The following TLR5 variants were observed in gnomAD, a reference collection of about 807,000 sequenced individuals.
TLR5 encodes toll like receptor 5, also known as toll-like receptor 5.
For synonymous variants in TLR5, 373 were observed against 384.4 expected, an observed-to-expected ratio of 0.97 and a Z score of 0.35; for missense variants, 944 against 999.8, an observed-to-expected ratio of 0.94 and a Z score of 0.75.
chr1:223,118,706 T>A (rs1388586931), intron 5 of TLR5, among the ~76,000 whole-genome samples: 2 of 152,202 alleles, frequency 1.3e-5, no homozygotes, highest in Non-Finnish European at 2.9e-5. Context: ...TGTGTTGATG[T>A]TAATGCTGAC....
intron 5 of TLR5, among the ~76,000 whole-genome samples, chr1:223,116,400 T>C (rs1571734950): frequency 1.3e-5 from 2 of 152,260 alleles, no homozygotes; most frequent in East Asian, 3.9e-4. Context: ...CGTCTGGAGT[T>C]GTTCATTCTT....
Position 223,110,516 on chromosome 1 carries a change from T to C in TLR5, c.2516A>G (p.Lys839Arg), listed in dbSNP as rs769343836. 5 of 1,614,070 alleles carry C rather than the reference T, an allele frequency of 3.1e-6. No individual in the cohort carries two copies. The highest frequency in any genetic ancestry group is 1.1e-5 in the South Asian group (1 of 91,078). The change falls in exon 6 of 6, where the codon AAA (lysine) becomes AGA (arginine). Residue 839 changes from lysine to arginine, a missense_variant. Physicochemically the swap from Lys to Arg is conservative, Grantham distance 26. Coordinates refer to ENST00000642603, the MANE Select transcript of TLR5 (RefSeq NM_003268.6). Reference protein sequence around the residue: ...LHKLSQQILKKEKEKKKDNNI... With the variant: ...LHKLSQQILKREKEKKKDNNI... ...ATTGTCTTTCTTCTTTTCTTTTTCT[T>C]TCTTTAGTATCTGTTGAGAGAGTTT...
rs1418613126 is a variant in TLR5, at chr1:223,117,607, G to C, written c.-4-4572C>G. Among the ~76,000 whole-genome samples the C allele has an allele frequency of 2.0e-5, 3 of 148,004 alleles. No individual in the cohort carries two copies. The East Asian group carries it at 5.9e-4, about 29-fold the overall frequency. On this transcript the variant is annotated intron_variant, in intron 5 of 5. Coordinates refer to ENST00000642603, the MANE Select transcript of TLR5 (RefSeq NM_003268.6). ...AAGAAAAGAAAAGAAAAAAAGGAAA[G>C]AGTATGTTGAATGAACAACACTGCC... is the stretch of plus-strand genomic sequence containing the variant.
Position 223,110,241 on chromosome 1 carries a change from G to C in TLR5, c.*214C>G. ...ATCAATGGAGACTGGAAACCTCTAAGGGCAGTTGCAATTTTCTAGATCTAT... is the reference window on the plus strand; with the variant it reads ...ATCAATGGAGACTGGAAACCTCTAACGGCAGTTGCAATTTTCTAGATCTAT... On this transcript the variant is annotated 3_prime_UTR_variant, in exon 6 of 6. Transcript: ENST00000642603. 1.7e-6 allele frequency: 1 copy of C among 594,076 alleles called. No homozygotes were observed. The highest frequency in any genetic ancestry group is 3.0e-6 in the Non-Finnish European group (1 of 338,602). The allele number at this position is 594,076 out of a possible 1,614,324, so 36.8% of individuals were successfully genotyped here. A position where few individuals can be genotyped will look rare whatever the true frequency, so the allele number is the denominator to read the frequency against.
chr1:223,116,832 T>C (rs746649136), intron 5 of TLR5, among the ~76,000 whole-genome samples: 1 of 152,214 alleles, frequency 6.6e-6, no homozygotes, highest in Non-Finnish European at 1.5e-5. Flanking sequence ...TTGGTGTATT[T>C]ACAATCCTCT....
chr1:223,117,247 C>T (rs73118103), intron 5 of TLR5, among the ~76,000 whole-genome samples: 8 of 152,118 alleles, frequency 5.3e-5, no homozygotes, highest in Admixed American at 3.3e-4. Flanking sequence ...TAGGGCCTGC[C>T]AAGCCCACGC....
chr1:223,140,377 T>C (rs1281142128), intron 2 of TLR5, among the ~76,000 whole-genome samples: 1 of 152,020 alleles, frequency 6.6e-6, no homozygotes, highest in Non-Finnish European at 1.5e-5. Context: ...TGAAATCCCA[T>C]CTCTGCTAAA....
At chr1:223,126,798 G>A (rs1232408853) in intron 5 of TLR5, 7 of 152,192 alleles carry the variant, frequency 4.6e-5, no homozygotes, top group African/African-American at 1.4e-4. Context: ...GATTTAACTT[G>A]TATCTAGGGC....
intron 5 of TLR5, among the ~76,000 whole-genome samples, chr1:223,122,986 C>T (rs947492321): frequency 3.9e-5 from 6 of 152,074 alleles, no homozygotes; most frequent in African/African-American, 1.2e-4. Context: ...AAACACAGAC[C>T]GTAGTTTGCT....
intron 3 of TLR5, among the ~76,000 whole-genome samples, chr1:223,135,283 G>A (rs896694039): frequency 4.6e-5 from 7 of 152,140 alleles, no homozygotes; most frequent in African/African-American, 7.2e-5. Context: ...GCTGGGGAGC[G>A]CACCCCTGCT....
intron 5 of TLR5, among the ~76,000 whole-genome samples, chr1:223,118,546 C>CAA (rs1324528207): frequency 1.6e-5 from 2 of 125,268 alleles, no homozygotes; most frequent in African/African-American, 3.3e-5. Context: ...GACTCCATCT[C>CAA]AAAAAAAGAA....
intron 1 of TLR5, among the ~76,000 whole-genome samples, chr1:223,142,305 C>T (rs189634593): frequency 3.4e-4 from 52 of 152,330 alleles, no homozygotes; most frequent in African/African-American, 1.2e-3. Context: ...ATCTCATTGA[C>T]TAGGTGACTG....
rs146082990 is a variant in TLR5 at position 223,112,559 on chromosome 1, C to T, written c.473G>A (p.Arg158His). The T allele has an allele frequency of 2.6e-4, 422 of 1,614,198 alleles. 1 individual carries two copies. The East Asian group carries it at 8.6e-3, about 33-fold the overall frequency. Residue 158 changes from arginine to histidine, a missense_variant, in exon 6 of 6, where the codon CGT becomes CAT. Transcript: ENST00000642603. ...AAATGAAGGATGAAGGTAAAGGCTA[C>T]GAATCTGATTTTTGGATAGATCCAA... ...TRLDLSKNQI[R>H]SLYLHPSFGK...
At position 223,117,632 on chromosome 1, in the gene TLR5, C is replaced by T. The variant is rs77647750; in HGVS notation, c.-4-4597G>A. 7.2e-3 allele frequency among the ~76,000 whole-genome samples: 1,085 copies of T among 151,368 alleles called. 17 individuals are homozygous for T. Among genetic ancestry groups the T allele is most frequent in the African/African-American group, 0.024 (993 of 41,266 alleles). ...GAGTATGTTGAATGAACAACACTGC[C>T]ATCAACAGAAAGATAAAGGGATTGG... On this transcript the variant is annotated intron_variant, in intron 5 of 5. Coordinates refer to ENST00000642603, the MANE Select transcript of TLR5 (RefSeq NM_003268.6).
intron 5 of TLR5, among the ~76,000 whole-genome samples, chr1:223,119,048 G>T (rs1656814366): frequency 6.6e-6 from 1 of 152,028 alleles, no homozygotes; most frequent in African/African-American, 2.4e-5. Flanking sequence ...AGGTTGCAGT[G>T]AGCTGAGCTT....
chr1:223,130,805 T>C (rs565194644), intron 5 of TLR5, among the ~76,000 whole-genome samples: 1 of 152,366 alleles, frequency 6.6e-6, no homozygotes, highest in Admixed American at 6.5e-5. Context: ...GGTCAGACAC[T>C]GCCTGATATT....
intron 5 of TLR5, among the ~76,000 whole-genome samples, chr1:223,120,174 G>A (rs1171532549): frequency 2.0e-5 from 3 of 151,722 alleles, no homozygotes; most frequent in Non-Finnish European, 4.4e-5. Flanking sequence ...CCCTTTCCAG[G>A]TCTTTTCCTG....
At chr1:223,125,157 A>G (rs1209595307) in intron 5 of TLR5, among the ~76,000 whole-genome samples, 1 of 152,218 alleles carries the variant, frequency 6.6e-6, no homozygotes, top group East Asian at 1.9e-4. Context: ...TCTCCAGCAT[A>G]TCAATAGTCT....
At chr1:223,115,785 T>C (rs1198159051) in intron 5 of TLR5, among the ~76,000 whole-genome samples, 4 of 152,196 alleles carry the variant, frequency 2.6e-5, no homozygotes, top group African/African-American at 7.2e-5. Context: ...AGGGTGTCTC[T>C]GATGTAATGA....
Sources: allele counts gnomAD v4.1 joint callset (sites outside exome capture counted in the v4.1 genomes callset), GRCh38; gene constraint gnomAD v4.1.1; transcripts MANE v1.5; gene names NCBI Gene and HGNC (gene_info 2026-07-23, HGNC 2026-07-21).